Variants in MALRD1 observed in about 807,000 individuals in gnomAD.
The protein encoded by MALRD1 is MAM and LDL-receptor class A domain-containing protein 1.
Under a neutral mutation model 242.1 loss-of-function variants are expected in MALRD1, and 247 were observed. The ratio of observed to expected loss-of-function variants is 1.02; its 90% CI spans 0.92 to 1.13. MALRD1 has a LOEUF of 1.13. MALRD1 is among the 50% of genes most tolerant of loss of function. MALRD1 has a pLI of 0.00. For synonymous variants in MALRD1, 995 were observed against 866.6 expected (o/e 1.15, Z -2.60); for missense variants, 2,989 against 2,533.1 (o/e 1.18, Z -3.86).
chr10:19,623,415 A>T (rs148584776), intron 36 of MALRD1, among the ~76,000 whole-genome samples: 2 of 152,288 alleles, frequency 1.3e-5, no homozygotes, highest in African/African-American at 4.8e-5. Context: ...AACCAATAGG[A>T]TATGTATAGA....
chr10:19,640,007 A>G lies in MALRD1; in HGVS notation c.6137+24084A>G, dbSNP rs186733413. On this transcript the variant is annotated intron_variant, in intron 36 of 39. Coordinates refer to ENST00000454679, the MANE Select transcript of MALRD1 (RefSeq NM_001142308.3). ...GGTCAAGTCACTTTCTTTCCCCCCA[A>G]TGCATAGGGAGTAAATGCAGTTACT... Among the ~76,000 whole-genome samples, 170 of 152,296 alleles carry G rather than the reference A, an allele frequency of 1.1e-3. 1 individual carries two copies. The highest frequency in any genetic ancestry group is 1.7e-3 in the Non-Finnish European group (117 of 68,026).
chr10:19,724,478 G>GACACTTC (rs1206274558), intron 38 of MALRD1, among the ~76,000 whole-genome samples: 1 of 152,188 alleles, frequency 6.6e-6, no homozygotes. Flanking sequence ...CTCTGTCCTA[G>GACACTTC]ACACTTCAGC....
intron 32 of MALRD1, among the ~76,000 whole-genome samples, chr10:19,562,187 T>C (rs1835997751): frequency 6.6e-6 from 1 of 152,034 alleles, no homozygotes. Context: ...TCCCAGCTAC[T>C]CAGGAGGCTG....
chr10:19,160,125 A>T (rs1401202211), intron 12 of MALRD1, among the ~76,000 whole-genome samples: 3 of 152,204 alleles, frequency 2.0e-5, no homozygotes, highest in African/African-American at 7.2e-5. Context: ...CTTTTTATTA[A>T]CATTTTACTT....
intron 26 of MALRD1, among the ~76,000 whole-genome samples, chr10:19,352,792 T>C (rs1000090559): frequency 2.0e-5 from 3 of 152,146 alleles, no homozygotes; most frequent in South Asian, 2.1e-4. Context: ...AAAATAACTT[T>C]TGATAATTTG....
At chr10:19,498,093 C>T (rs1463763770) in intron 30 of MALRD1, among the ~76,000 whole-genome samples, 1 of 152,160 alleles carries the variant, frequency 6.6e-6, no homozygotes, top group African/African-American at 2.4e-5. Flanking sequence ...CTTTGCGTCG[C>T]TAATAGGCTA....
intron 2 of MALRD1, among the ~76,000 whole-genome samples, chr10:19,081,028 G>A (rs2358296): frequency 0.033 from 4,981 of 152,108 alleles, 239 homozygotes; most frequent in African/African-American, 0.11. Flanking sequence ...CAACATCATT[G>A]ATTAGTAGAG....
rs1395969844 is a variant in MALRD1 at position 19,088,201 on chromosome 10, T to C, written c.597+16T>C. 14 of 1,232,702 alleles carry C rather than the reference T, an allele frequency of 1.1e-5. No individual in the cohort carries two copies. The highest frequency in any genetic ancestry group is 1.4e-5 in the Non-Finnish European group (14 of 987,348). 76.4% of individuals were successfully genotyped at this position (1,232,702 alleles called of 1,614,324 possible). ...GAGATTTCAGGTATGTGTGTTCTAT[T>C]TTCTAACTATGGCCTTGAAGAAAAA... On this transcript the variant is annotated intron_variant, in intron 4 of 39. Transcript: ENST00000454679.
chr10:19,170,027 A>G (rs1834855821), intron 13 of MALRD1, among the ~76,000 whole-genome samples: 1 of 152,204 alleles, frequency 6.6e-6, no homozygotes, highest in Non-Finnish European at 1.5e-5. Context: ...AGACAATATA[A>G]CAGAATACAA....
At chr10:19,581,042 A>T (rs1181877659) in intron 33 of MALRD1, among the ~76,000 whole-genome samples, 1 of 152,136 alleles carries the variant, frequency 6.6e-6, no homozygotes, top group Admixed American at 6.6e-5. Context: ...ATTACAGAGG[A>T]TGATTTTTTA....
At chr10:19,509,214 T>G (rs537423570) in intron 31 of MALRD1, among the ~76,000 whole-genome samples, 4 of 152,294 alleles carry the variant, frequency 2.6e-5, no homozygotes, top group Non-Finnish European at 5.9e-5. Flanking sequence ...TGGGCAATAC[T>G]CAGAACCAAA....
At chr10:19,728,928 A>G (rs1835164496) in intron 38 of MALRD1, among the ~76,000 whole-genome samples, 1 of 152,210 alleles carries the variant, frequency 6.6e-6, no homozygotes, top group South Asian at 2.1e-4. Context: ...ACTTACTCAA[A>G]TTAATCAGAG....
chr10:19,144,661 A>G (rs1833668987), intron 10 of MALRD1, among the ~76,000 whole-genome samples: 2 of 152,208 alleles, frequency 1.3e-5, no homozygotes, highest in Non-Finnish European at 2.9e-5. Flanking sequence ...AGTCTTTTTA[A>G]TTATGAAACA....
chr10:19,260,214 C>T (rs1340604682), intron 19 of MALRD1, among the ~76,000 whole-genome samples: 1 of 152,148 alleles, frequency 6.6e-6, no homozygotes, highest in Non-Finnish European at 1.5e-5. Flanking sequence ...CTTATGACTA[C>T]ATTTATTTCT....
chr10:19,478,784 G>C (rs928876835), intron 29 of MALRD1, among the ~76,000 whole-genome samples: 1 of 152,070 alleles, frequency 6.6e-6, no homozygotes, highest in Non-Finnish European at 1.5e-5. Context: ...TTTATATAGA[G>C]TATCAAAGTC....
chr10:19,139,714 C>T (rs12775323), intron 10 of MALRD1, among the ~76,000 whole-genome samples: 51,476 of 151,982 alleles, frequency 0.34, 9,168 homozygotes, highest in Non-Finnish European at 0.39. Flanking sequence ...TTAATAAAAA[C>T]GGCCTGTGGG....
intron 28 of MALRD1, among the ~76,000 whole-genome samples, chr10:19,409,925 T>A (rs1180602717): frequency 6.6e-6 from 1 of 152,190 alleles, no homozygotes; most frequent in Non-Finnish European, 1.5e-5. Flanking sequence ...ATATGCATAT[T>A]CATGGGGTGC....
chr10:19,104,047 T>C lies in MALRD1; in HGVS notation c.666T>C (p.Ser222=). ...AAGTCATTGCTATTGATGATATATC[T>C]TTCAGTTCAGGCTGCTTGCCTGCCA... is the stretch of plus-strand genomic sequence containing the variant. ...QDEVIAIDDI[S]FSSGCLPAND... The change falls in exon 5 of 40, where the codon TCT becomes TCC. Residue 222 remains serine (S), a synonymous_variant. Transcript: ENST00000454679. 3 of 1,233,858 alleles carry C rather than the reference T, an allele frequency of 2.4e-6. No individual in the cohort carries two copies. Among genetic ancestry groups the C allele is most frequent in the Non-Finnish European group, 3.0e-6 (3 of 988,080 alleles). The allele number at this position is 1,233,858 out of a possible 1,614,324, so 76.4% of individuals were successfully genotyped here.
chr10:19,316,626 G>A (rs977833095), intron 21 of MALRD1, among the ~76,000 whole-genome samples: 16 of 151,762 alleles, frequency 1.1e-4, no homozygotes, highest in African/African-American at 3.4e-4. Flanking sequence ...GAGCAGTTCC[G>A]CACAACGAGG....
Sources: allele counts gnomAD v4.1 joint callset (sites outside exome capture counted in the v4.1 genomes callset), GRCh38; gene constraint gnomAD v4.1.1; transcripts MANE v1.5; gene names NCBI Gene and HGNC (gene_info 2026-07-23, HGNC 2026-07-21).